The following DDX39B variants were observed in gnomAD, a reference collection of about 807,000 sequenced individuals.
DDX39B encodes spliceosome RNA helicase DDX39B.
DDX39B carries 6 observed loss-of-function variants against 46.4 expected under a neutral mutation model. The observed-to-expected ratio is 0.13, with a 90% CI of 0.07 to 0.26. DDX39B has a LOEUF of 0.26. Ranked by LOEUF, DDX39B falls within the 10% of genes least tolerant of loss-of-function variation. The probability of loss-of-function intolerance (pLI) is 1.00; values close to 1 mark genes in which losing one functional copy is unlikely to be tolerated. For synonymous variants in DDX39B, 174 were observed against 199.4 expected (o/e 0.87, Z 1.07); for missense variants, 185 against 553.4 (o/e 0.33, Z 6.68).
Position 31,531,042 on chromosome 6 carries a change from G to T in DDX39B, c.1122+11C>A. On this transcript the variant is annotated intron_variant, in intron 9 of 10. Transcript: ENST00000396172. This position sits in a 1 kb window ranked among gnomAD's most constrained non-coding sequence, Gnocchi z 5.8. ...TGGGAGAGTGGGATTTTTTCAGCCT[G>T]TGAGGTTTACCCGATGCAGGTAGGT... The T allele has an allele frequency of 6.2e-7, 1 of 1,614,066 alleles. No homozygotes were observed. The highest frequency in any genetic ancestry group is 1.1e-5 in the South Asian group (1 of 91,076).
Position 31,535,443 on chromosome 6 carries a change from T to C in DDX39B, c.659A>G (p.His220Arg). Reference protein sequence around the residue: ...DVQEIFRMTPHEKQVMMFSAT... With the variant: ...DVQEIFRMTPREKQVMMFSAT... ...ACTGAACATCATGACCTGCTTCTCG[T>C]GGGGGGTCATGCGAAAAATTTCCTG... Residue 220 changes from histidine (H) to arginine (R), a missense_variant, in exon 6 of 11, where the codon CAC (histidine) becomes CGC (arginine). This residue lies in a region of DDX39B where 110 missense variants were observed against 282.2 expected (regional missense o/e 0.39). Coordinates refer to ENST00000396172, the MANE Select transcript of DDX39B (RefSeq NM_004640.7). The surrounding 1 kb of genome is among the most constrained non-coding windows in gnomAD (Gnocchi z 4.6). The C allele has an allele frequency of 1.2e-6, 2 of 1,613,124 alleles. No homozygotes were observed. The highest frequency in any genetic ancestry group is 1.7e-6 in the Non-Finnish European group (2 of 1,179,904).
Position 31,536,501 on chromosome 6 carries a change from G to C in DDX39B, c.615C>G (p.Leu205=), listed in dbSNP as rs773509777. The C allele has an allele frequency of 1.2e-6, 2 of 1,613,142 alleles. No homozygotes were observed. Among genetic ancestry groups the C allele is most frequent in the South Asian group, 1.1e-5 (1 of 91,070 alleles). ...LDECDKMLEQ[L]DMRRDVQEIF... ...CCAAGCCCCAGCACTGCCACTCACC[G>C]AGCTGTTCAAGCATCTTATCACATT... Residue 205 remains leucine, a splice_region_variant and synonymous_variant, in exon 5 of 11, where the codon CTC becomes CTG. Transcript: ENST00000396172.
intron 2 of DDX39B, 57 bp from the exon 3 acceptor site, chr6:31,539,331 C>T: frequency 2.5e-6 from 4 of 1,583,398 alleles, no homozygotes; most frequent in Non-Finnish European, 3.4e-6. Context: ...ATAACTCTAC[C>T]TTTTTCACCA....
Position 31,530,275 on chromosome 6 carries a change from G to C in DDX39B, c.*159C>G. 1.0e-6 allele frequency: 1 copy of C among 971,312 alleles called. No individual in the cohort carries two copies. The highest frequency in any genetic ancestry group is 2.7e-5 in the East Asian group (1 of 37,710). 60.2% of individuals were successfully genotyped at this position (971,312 alleles called of 1,614,324 possible). A position where few individuals can be genotyped will look rare whatever the true frequency, so the allele number is the denominator to read the frequency against. On this transcript the variant is annotated 3_prime_UTR_variant, in exon 11 of 11. Transcript: ENST00000396172. The surrounding 1 kb of genome is among the most constrained non-coding windows in gnomAD (Gnocchi z 4.5). The stretch of plus-strand genomic sequence containing the variant: ...TTTAGTTTTGTTAAAAAAAAATTCT[G>C]ACAAATCAGAAATGGGGGTTCAGGA...
In DDX39B at chr6:31,535,547, A is replaced by C. The variant is rs1290682631; in HGVS notation, c.617-62T>G. 2.2e-6 allele frequency: 3 copies of C among 1,338,306 alleles called. No individual in the cohort carries two copies. Among genetic ancestry groups the C allele is most frequent in the African/African-American group, 2.9e-5 (2 of 69,238 alleles). 82.9% of individuals were successfully genotyped at this position (1,338,306 alleles called of 1,614,324 possible). On this transcript the variant is annotated intron_variant, in intron 5 of 10. Transcript: ENST00000396172. This position sits in a 1 kb window ranked among gnomAD's most constrained non-coding sequence, Gnocchi z 4.6. ...AGCAGGTATGATAAACAAAGATTAG[A>C]GGTAGACTTCCCAGTGAGGTGAAGA...
At chr6:31,538,958 A>T in intron 3 of DDX39B, 103 bp from the exon 4 acceptor site, 2 of 1,480,648 alleles carry the variant, frequency 1.4e-6, no homozygotes, top group Non-Finnish European at 1.9e-6. Context: ...ATAATAAATG[A>T]CTTCAATTAT....
At chr6:31,539,539 C>T (rs1266747973) in intron 2 of DDX39B, among the ~76,000 whole-genome samples, 2 of 152,132 alleles carry the variant, frequency 1.3e-5, no homozygotes, top group Admixed American at 6.6e-5. Context: ...ATCTACCAAC[C>T]GCTCACCTTC....
At chr6:31,537,195 G>A (rs1335932147) in intron 4 of DDX39B, among the ~76,000 whole-genome samples, 3 of 152,188 alleles carry the variant, frequency 2.0e-5, no homozygotes, top group Non-Finnish European at 4.4e-5. Context: ...GGAGGTCAAG[G>A]AAAGTGGATC....
chr6:31,530,355 G>A lies in DDX39B; in HGVS notation c.*79C>T. The A allele has an allele frequency of 6.4e-7, 1 of 1,557,052 alleles. No homozygotes were observed. The highest frequency in any genetic ancestry group is 2.2e-5 in the East Asian group (1 of 44,552). ...GGGGTGGGGGCTGTCAGGGGTGGGGGCAGTAGTGTCTCCTTCACCCCCACC... is the reference window on the plus strand; with the variant it reads ...GGGGTGGGGGCTGTCAGGGGTGGGGACAGTAGTGTCTCCTTCACCCCCACC... On this transcript the variant is annotated 3_prime_UTR_variant, in exon 11 of 11. Transcript: ENST00000396172. This position sits in a 1 kb window ranked among gnomAD's most constrained non-coding sequence, Gnocchi z 4.5.
intron 1 of DDX39B, 164 bp downstream of exon 1, chr6:31,541,786 G>A (rs1768506455): frequency 4.5e-6 from 3 of 663,480 alleles, no homozygotes; most frequent in Non-Finnish European, 8.5e-6. Flanking sequence ...CCTTCCCCCA[G>A]GAGCTCTTTG....
At chr6:31,539,826 T>A (rs1450003841) in intron 2 of DDX39B, among the ~76,000 whole-genome samples, 1 of 152,086 alleles carries the variant, frequency 6.6e-6, no homozygotes, top group African/African-American at 2.4e-5. Flanking sequence ...AGAAGTCAAG[T>A]GACAAAATTA....
At chr6:31,541,896 A>T in intron 1 of DDX39B, 54 bp downstream of exon 1, 2 of 634,996 alleles carry the variant, frequency 3.1e-6, no homozygotes. Flanking sequence ...ATGTGACGGG[A>T]TGGGTGCGGA....
rs559203789 is a variant in DDX39B, at chr6:31,531,313, C to T, written c.960G>A (p.Gly320=). The change falls in exon 8 of 11, where the codon GGG becomes GGA. Residue 320 remains glycine, a synonymous_variant. Transcript: ENST00000396172. The surrounding 1 kb of genome is among the most constrained non-coding windows in gnomAD (Gnocchi z 5.8). ...CAGCTCACCTCTCCTCCTGGGGCAT[C>T]CCACGGTGGATGGCAATGGCTGGGA... ...QNFPAIAIHR[G]MPQEERLSRY... 6.8e-6 allele frequency: 11 copies of T among 1,614,172 alleles called. No homozygotes were observed. In the Admixed American group the frequency reaches 1.7e-4, roughly 24 times the overall value.
At chr6:31,539,059 T>G (rs756737471) in intron 3 of DDX39B, 88 bp downstream of exon 3, 1 of 1,608,522 alleles carries the variant, frequency 6.2e-7, no homozygotes, top group Non-Finnish European at 8.5e-7. Context: ...TGCTCATGGC[T>G]CTGCAAGCAT....
Position 31,530,862 on chromosome 6 carries a change from T to G in DDX39B, c.1187A>C (p.Asp396Ala). Residue 396 changes from aspartate to alanine, a missense_variant, in exon 10 of 11, where the codon GAT becomes GCT. Coordinates refer to ENST00000396172, the MANE Select transcript of DDX39B (RefSeq NM_004640.7). This position sits in a 1 kb window ranked among gnomAD's most constrained non-coding sequence, Gnocchi z 4.5. The stretch of plus-strand genomic sequence containing the variant: ...CTGCACATCATTGAGGATCTTGGCA[T>G]CATTCTCATCGGACACAAATGTGAT... Reference protein sequence around the residue: ...LAITFVSDENDAKILNDVQDR... With the variant: ...LAITFVSDENAAKILNDVQDR... 1 of 1,614,086 alleles carries G rather than the reference T, an allele frequency of 6.2e-7. No homozygotes were observed.
At position 31,531,583 on chromosome 6, in the gene DDX39B, C is replaced by A; in HGVS notation, c.868-178G>T. 1.6e-6 allele frequency: 1 copy of A among 624,608 alleles called. No individual in the cohort carries two copies. The highest frequency in any genetic ancestry group is 2.7e-6 in the Non-Finnish European group (1 of 365,338). 38.7% of individuals were successfully genotyped at this position (624,608 alleles called of 1,614,324 possible). A position where few individuals can be genotyped will look rare whatever the true frequency, so the allele number is the denominator to read the frequency against. ...AAAAGGAAATATAACTTTACTTCAG[C>A]ACTGATTTTTCCCTAAGGAAGCTGG... On this transcript the variant is annotated intron_variant, in intron 7 of 10. Transcript: ENST00000396172. The surrounding 1 kb of genome is among the most constrained non-coding windows in gnomAD (Gnocchi z 5.8).
chr6:31,530,303 G>A lies in DDX39B; in HGVS notation c.*131C>T. The A allele has an allele frequency of 9.0e-7, 1 of 1,109,302 alleles. No homozygotes were observed. The highest frequency in any genetic ancestry group is 1.3e-6 in the Non-Finnish European group (1 of 776,108). 68.7% of individuals were successfully genotyped at this position (1,109,302 alleles called of 1,614,324 possible). A position where few individuals can be genotyped will look rare whatever the true frequency, so the allele number is the denominator to read the frequency against. On this transcript the variant is annotated 3_prime_UTR_variant, in exon 11 of 11. Transcript: ENST00000396172. The surrounding 1 kb of genome is among the most constrained non-coding windows in gnomAD (Gnocchi z 4.5). ...AAATCAGAAATGGGGGTTCAGGAGT[G>A]GTGGTGATGCAAAAGATGGAAGCCA... is the stretch of plus-strand genomic sequence containing the variant.
At chr6:31,533,820 A>T (rs1037410825) in intron 6 of DDX39B, 2 of 152,246 alleles carry the variant, frequency 1.3e-5, no homozygotes, top group Admixed American at 1.3e-4. Context: ...CTTTAAAATT[A>T]AAAAACCCCC....
rs776745281 is a variant in DDX39B, at chr6:31,541,992, G to A, written c.-175C>T. The stretch of plus-strand genomic sequence containing the variant: ...GTATGGCGGCAGCAACAGCGACGAA[G>A]GAGGGAAATCTGCCTTCACTTCCGG... On this transcript the variant is annotated 5_prime_UTR_variant, in exon 1 of 11. Transcript: ENST00000396172. 3.2e-5 allele frequency: 22 copies of A among 678,636 alleles called. No homozygotes were observed. The highest frequency in any genetic ancestry group is 7.5e-5 in the South Asian group (5 of 66,910). The allele number at this position is 678,636 out of a possible 1,614,324, so 42.0% of individuals were successfully genotyped here.
Sources: allele counts gnomAD v4.1 joint callset (sites outside exome capture counted in the v4.1 genomes callset), GRCh38; gene constraint gnomAD v4.1.1; regional missense constraint gnomAD v4.1.1; non-coding constraint Gnocchi (gnomAD v3.1); transcripts MANE v1.5; gene names NCBI Gene and HGNC (gene_info 2026-07-23, HGNC 2026-07-21).